The following CLDN16 variants were observed in gnomAD, a reference collection of about 807,000 sequenced individuals.
CLDN16 encodes claudin 16, also known as claudin-16.
In CLDN16, 13 loss-of-function variants were observed where a neutral mutation model predicts 24.6. That is an observed-to-expected ratio of 0.53 (90% CI 0.34 to 0.84). The LOEUF is 0.84. CLDN16 is among the 40% of genes least tolerant of loss of function. The probability of loss-of-function intolerance (pLI) is 0.01; values close to 1 mark genes in which losing one functional copy is unlikely to be tolerated. For missense variants in CLDN16, 298 were observed against 292.7 expected, an observed-to-expected ratio of 1.02 and a Z score of -0.13; for synonymous variants, 116 against 106.7, an observed-to-expected ratio of 1.09 and a Z score of -0.54.
chr3:190,399,663 T>G (rs1423655330), intron 1 of CLDN16, among the ~76,000 whole-genome samples: 1 of 152,202 alleles, frequency 6.6e-6, no homozygotes, highest in Non-Finnish European at 1.5e-5. Flanking sequence ...AAACATTTAT[T>G]TTTTGTTGGA....
intron 3 of CLDN16, among the ~76,000 whole-genome samples, chr3:190,380,131 C>CCTTCCTTCCTTCCTCT (rs59109902): frequency 5.8e-5 from 3 of 51,936 alleles, no homozygotes; most frequent in African/African-American, 2.3e-4. Flanking sequence ...TTCCTTTCTT[C>CCTTCCTTCCTTCCTCT]CTTCCTTCCT....
At chr3:190,336,748 C>T (rs1314329844) in intron 1 of CLDN16, among the ~76,000 whole-genome samples, 1 of 152,206 alleles carries the variant, frequency 6.6e-6, no homozygotes, top group African/African-American at 2.4e-5. Flanking sequence ...AAGGCCATGC[C>T]ATCTGCAGCA....
the CLDN16 span, among the ~76,000 whole-genome samples, chr3:190,303,311 T>C: frequency 3.2e-4 from 48 of 152,286 alleles, no homozygotes; most frequent in African/African-American, 1.1e-3. Flanking sequence ...GCAGCAGCAA[T>C]AGACACTTAG....
chr3:190,409,230 G>A (rs1247037171), intron 4 of CLDN16, among the ~76,000 whole-genome samples: 3 of 151,964 alleles, frequency 2.0e-5, no homozygotes, highest in African/African-American at 7.2e-5. Flanking sequence ...GTATATGCAT[G>A]TATATATGCA....
intron 1 of CLDN16, among the ~76,000 whole-genome samples, chr3:190,396,803 GA>G (rs1411784445): frequency 6.6e-6 from 1 of 152,162 alleles, no homozygotes; most frequent in Admixed American, 6.5e-5. Context: ...GGAGGCTAAT[GA>G]AAAAACAGAA....
At chr3:190,378,069 T>C (rs996620605) in intron 3 of CLDN16, among the ~76,000 whole-genome samples, 4 of 152,006 alleles carry the variant, frequency 2.6e-5, no homozygotes, top group Admixed American at 6.6e-5. Context: ...CATTATTTAC[T>C]TACTGGAAAA....
At chr3:190,371,015 T>TA in intron 2 of CLDN16, 1 of 20,016 alleles carries the variant, frequency 5.0e-5, no homozygotes, top group Non-Finnish European at 1.0e-4. Flanking sequence ...AGTTAATACC[T>TA]TTATATATAT....
chr3:190,302,564 G>A, the CLDN16 span, among the ~76,000 whole-genome samples: 3 of 152,086 alleles, frequency 2.0e-5, no homozygotes, highest in Non-Finnish European at 4.4e-5. Context: ...GAGCTCAAGA[G>A]TTTGAGACCA....
intron 3 of CLDN16, 28 bp downstream of exon 3, chr3:190,404,954 G>C (rs746978987): frequency 1.2e-6 from 2 of 1,611,596 alleles, no homozygotes; most frequent in Non-Finnish European, 1.7e-6. Context: ...CTAGCAACAG[G>C]GGTAGGGAGA....
intron 1 of CLDN16, among the ~76,000 whole-genome samples, chr3:190,357,393 G>T (rs1464311809): frequency 6.6e-6 from 1 of 151,728 alleles, no homozygotes; most frequent in East Asian, 1.9e-4. Context: ...CCAATACTTT[G>T]GTTCAAACAC....
At chr3:190,336,583 G>T (rs1717311626) in intron 1 of CLDN16, among the ~76,000 whole-genome samples, 1 of 152,192 alleles carries the variant, frequency 6.6e-6, no homozygotes, top group Non-Finnish European at 1.5e-5. Flanking sequence ...GCATGTTCAG[G>T]CCATATAGCA....
chr3:190,347,382 G>A (rs1485430015), intron 1 of CLDN16, among the ~76,000 whole-genome samples: 1 of 152,102 alleles, frequency 6.6e-6, no homozygotes, highest in Non-Finnish European at 1.5e-5. Context: ...TAGAGAGAAA[G>A]GAGAAAAATT....
intron 1 of CLDN16, among the ~76,000 whole-genome samples, chr3:190,339,694 C>T (rs75401392): frequency 0.014 from 2,197 of 152,126 alleles, 56 homozygotes; most frequent in African/African-American, 0.048. Context: ...ACATATACTG[C>T]CTTAAAAACT....
At chr3:190,353,168 G>A (rs1311853956) in intron 1 of CLDN16, among the ~76,000 whole-genome samples, 2 of 152,188 alleles carry the variant, frequency 1.3e-5, no homozygotes, top group East Asian at 3.9e-4. Flanking sequence ...CAGCAATCCT[G>A]TAAGTTGCTA....
At chr3:190,389,256 T>C (rs545596060) in intron 1 of CLDN16, among the ~76,000 whole-genome samples, 1 of 152,236 alleles carries the variant, frequency 6.6e-6, no homozygotes, top group East Asian at 1.9e-4. Flanking sequence ...TTAATGAGGC[T>C]TAGGAAAACA....
At chr3:190,400,006 G>A (rs1176174523) in intron 1 of CLDN16, among the ~76,000 whole-genome samples, 1 of 152,168 alleles carries the variant, frequency 6.6e-6, no homozygotes, top group African/African-American at 2.4e-5. Flanking sequence ...AGCTGGAACA[G>A]TTTCATCCAA....
At chr3:190,299,539 A>AT in the CLDN16 span, among the ~76,000 whole-genome samples, 44,263 of 149,364 alleles carry the variant, frequency 0.3, 6,692 homozygotes, top group African/African-American at 0.38. Flanking sequence ...ATTCTTCTGT[A>AT]TTTTTTCTGA....
chr3:190,373,108 T>C (rs1718176750), intron 2 of CLDN16, among the ~76,000 whole-genome samples: 1 of 151,982 alleles, frequency 6.6e-6, no homozygotes, highest in Non-Finnish European at 1.5e-5. Context: ...TTGTAGCATT[T>C]AGGAAATCCA....
At chr3:190,348,838 C>G (rs1471677594) in intron 1 of CLDN16, among the ~76,000 whole-genome samples, 1 of 152,006 alleles carries the variant, frequency 6.6e-6, no homozygotes, top group Non-Finnish European at 1.5e-5. Context: ...TCCAAAAGAC[C>G]CCAGTGTGTG....
Sources: allele counts gnomAD v4.1 joint callset (sites outside exome capture counted in the v4.1 genomes callset), GRCh38; gene constraint gnomAD v4.1.1; transcripts MANE v1.5; gene names NCBI Gene and HGNC (gene_info 2026-07-23, HGNC 2026-07-21).